MPHOSPH9: variants seen among roughly 807,000 people sequenced by gnomAD.
MPHOSPH9 encodes the protein M-phase phosphoprotein 9.
A neutral mutation model predicts 145.5 loss-of-function variants in MPHOSPH9; 88 were observed. The observed-to-expected ratio is 0.60, with a 90% confidence interval of 0.51 to 0.72. MPHOSPH9 has a LOEUF of 0.72. Ranked by LOEUF, MPHOSPH9 falls within the 30% of genes least tolerant of loss-of-function variation. The pLI is 0.00. For missense variants in MPHOSPH9, 1,238 were observed against 1,386.6 expected (o/e 0.89, Z 1.70); for synonymous variants, 435 against 486.2 (o/e 0.89, Z 1.39).
chr12:123,165,287 C>T lies in MPHOSPH9; in HGVS notation c.2767+15G>A, dbSNP rs759711702. The T allele has an allele frequency of 1.6e-5, 26 of 1,591,288 alleles. No homozygotes were observed. Among genetic ancestry groups the T allele is most frequent in the Admixed American group, 5.2e-5 (3 of 57,628 alleles). Reference sequence around the variant, plus strand: ...GATATCTATATCCATCTATCTCAAACAAGGAAATACTCACTATTTGAGGTG... The same window carrying T: ...GATATCTATATCCATCTATCTCAAATAAGGAAATACTCACTATTTGAGGTG... On this transcript the variant is annotated intron_variant, in intron 18 of 23. Transcript: ENST00000606320.
At position 123,221,748 on chromosome 12, in the gene MPHOSPH9, CAG is replaced by C; in HGVS notation, c.494_495del (p.Ser165CysfsTer6). 3 of 1,614,108 alleles carry C rather than the reference CAG, an allele frequency of 1.9e-6. No individual in the cohort carries two copies. Among genetic ancestry groups the C allele is most frequent in the Non-Finnish European group, 2.5e-6 (3 of 1,180,030 alleles). On this transcript the variant is annotated frameshift_variant, in exon 5 of 24. Coordinates refer to ENST00000606320, the MANE Select transcript of MPHOSPH9 (RefSeq NM_022782.4). LOFTEE classifies it high-confidence loss of function. ...TCTGTGGATTCAGGATAATGGATAA[CAG>C]ATTCATTTCTCTCACTGCTTAGAGA... ...FFSLSSERNE[S>X]VIHYPESTEP...
At chr12:123,165,756 C>T (rs1408662397) in intron 17 of MPHOSPH9, 4 of 331,002 alleles carry the variant, frequency 1.2e-5, no homozygotes, top group Non-Finnish European at 1.6e-5. Flanking sequence ...GGAAGAGGGC[C>T]CTCACCAAAC....
intron 16 of MPHOSPH9, among the ~76,000 whole-genome samples, chr12:123,174,014 T>C (rs1325939388): frequency 6.6e-6 from 1 of 152,114 alleles, no homozygotes; most frequent in Non-Finnish European, 1.5e-5. Flanking sequence ...TCTGACCCTA[T>C]CTCTGGGTAG....
chr12:123,162,274 T>G (rs1255737373), intron 20 of MPHOSPH9, 56 bp from the exon 21 acceptor site: 10 of 926,534 alleles, frequency 1.1e-5, no homozygotes, highest in Non-Finnish European at 1.6e-5. Context: ...ATTTTCCCTA[T>G]CTCCACTACA....
At chr12:123,204,433 C>A (rs1384281579) in intron 8 of MPHOSPH9, among the ~76,000 whole-genome samples, 1 of 152,134 alleles carries the variant, frequency 6.6e-6, no homozygotes, top group Non-Finnish European at 1.5e-5. Context: ...TATGTAGTTA[C>A]AATCATGTTT....
At chr12:123,210,685 CAG>C (rs1164035364) in intron 7 of MPHOSPH9, among the ~76,000 whole-genome samples, 4 of 151,764 alleles carry the variant, frequency 2.6e-5, no homozygotes, top group African/African-American at 4.8e-5. Context: ...GAGTGAGTGA[CAG>C]AGTCTCAAAA....
chr12:123,200,126 A>G (rs2046155730), intron 11 of MPHOSPH9, among the ~76,000 whole-genome samples: 1 of 152,230 alleles, frequency 6.6e-6, no homozygotes, highest in African/African-American at 2.4e-5. Flanking sequence ...CTGATATCAC[A>G]GCTGGCTAAT....
chr12:123,182,846 G>A (rs562190863), intron 13 of MPHOSPH9, among the ~76,000 whole-genome samples: 38 of 151,900 alleles, frequency 2.5e-4, no homozygotes, highest in African/African-American at 7.0e-4. Flanking sequence ...CCCAGGAGGC[G>A]TAGGTTGTAG....
At chr12:123,203,438 A>C in intron 8 of MPHOSPH9, 63 bp from the exon 9 acceptor site, 1 of 1,393,282 alleles carries the variant, frequency 7.2e-7, no homozygotes, top group Non-Finnish European at 9.8e-7. Flanking sequence ...ATGATATCAA[A>C]ATAAGCACCA....
At chr12:123,210,221 A>G (rs1196896464) in intron 7 of MPHOSPH9, 59 bp from the exon 8 acceptor site, 2 of 963,472 alleles carry the variant, frequency 2.1e-6, no homozygotes, top group Non-Finnish European at 3.0e-6. Flanking sequence ...AATGCTTTCT[A>G]GAATAACATT....
At chr12:123,165,925 T>C (rs767217228) in intron 17 of MPHOSPH9, among the ~76,000 whole-genome samples, 1 of 152,176 alleles carries the variant, frequency 6.6e-6, no homozygotes, top group Non-Finnish European at 1.5e-5. Flanking sequence ...ACAATTATAC[T>C]CCACAATGAG....
intron 8 of MPHOSPH9, among the ~76,000 whole-genome samples, chr12:123,209,090 G>A (rs371515001): frequency 5.6e-4 from 85 of 152,020 alleles, no homozygotes; most frequent in African/African-American, 2.0e-3. Flanking sequence ...ATGCCACCAC[G>A]CCCAGCTAAT....
chr12:123,220,395 C>T (rs969741697), intron 5 of MPHOSPH9, among the ~76,000 whole-genome samples: 1 of 151,790 alleles, frequency 6.6e-6, no homozygotes, highest in African/African-American at 2.4e-5. Flanking sequence ...GGAACTCTGT[C>T]TCTACTGAAA....
At chr12:123,186,211 G>C (rs1469669810) in intron 13 of MPHOSPH9, among the ~76,000 whole-genome samples, 1 of 93,586 alleles carries the variant, frequency 1.1e-5, no homozygotes, top group Non-Finnish European at 1.8e-5. Context: ...TGGGCAATAA[G>C]AGCAAAACTC....
chr12:123,231,272 T>A (rs547691717), intron 1 of MPHOSPH9, among the ~76,000 whole-genome samples: 1 of 152,312 alleles, frequency 6.6e-6, no homozygotes, highest in Admixed American at 6.5e-5. Context: ...TGCCAGGCTT[T>A]ACAATGAAAG....
intron 13 of MPHOSPH9, among the ~76,000 whole-genome samples, chr12:123,189,199 T>A (rs2045572282): frequency 6.6e-6 from 1 of 152,202 alleles, no homozygotes; most frequent in South Asian, 2.1e-4. Flanking sequence ...AGAGGAACTG[T>A]GGCCTTAGCT....
rs1555231852 is a variant in MPHOSPH9, at chr12:123,224,110, T to TTTTATATATATATATATATATATATA, written c.259-984_259-983insTATATATATATATATATATATATAAA. ...TCACCATGTTCGGCTAATTGCTAATTTATATATATATATATACACATTTTT... is the reference window on the plus strand; with the variant it reads ...TCACCATGTTCGGCTAATTGCTAATTTTTATATATATATATATATATATATATATATATATATATATACACATTTTT... On this transcript the variant is annotated intron_variant, in intron 3 of 23. Transcript: ENST00000606320. Among the ~76,000 whole-genome samples, 95 of 120,404 alleles carry TTTTATATATATATATATATATATATA rather than the reference T, an allele frequency of 7.9e-4. 1 individual carries two copies. The highest frequency in any genetic ancestry group is 7.3e-3 in the East Asian group (25 of 3,444). 79.0% of individuals were successfully genotyped at this position (120,404 alleles called of 152,430 possible). A position where few individuals can be genotyped will look rare whatever the true frequency, so the allele number is the denominator to read the frequency against.
rs184215819 is a variant in MPHOSPH9, at chr12:123,192,744, T to C, written c.2241+1642A>G. On this transcript the variant is annotated intron_variant, in intron 13 of 23. Transcript: ENST00000606320. ...ATATTTATACAGCTGTAATAAATGATGTATAATTTCCATTTTAAGACACCA... is the reference window on the plus strand; with the variant it reads ...ATATTTATACAGCTGTAATAAATGACGTATAATTTCCATTTTAAGACACCA... Among the ~76,000 whole-genome samples, 937 of 151,362 alleles carry C rather than the reference T, an allele frequency of 6.2e-3. 16 individuals are homozygous for C. Among genetic ancestry groups the C allele is most frequent in the Non-Finnish European group, 4.2e-3 (283 of 67,930 alleles).
chr12:123,174,614 C>T (rs538521815), intron 16 of MPHOSPH9, among the ~76,000 whole-genome samples: 8 of 152,130 alleles, frequency 5.3e-5, no homozygotes, highest in Non-Finnish European at 7.4e-5. Flanking sequence ...CCTCGTGATC[C>T]GCCCATCTCG....
Sources: allele counts gnomAD v4.1 joint callset (sites outside exome capture counted in the v4.1 genomes callset), GRCh38; gene constraint gnomAD v4.1.1; transcripts MANE v1.5; gene names NCBI Gene and HGNC (gene_info 2026-07-23, HGNC 2026-07-21).